SLAMF1: variants seen among roughly 807,000 people sequenced by gnomAD.
SLAMF1 encodes the protein signaling lymphocytic activation molecule.
Under a neutral mutation model 35.1 loss-of-function variants are expected in SLAMF1, and 18 were observed. The ratio of observed to expected loss-of-function variants is 0.51; its 90% CI spans 0.35 to 0.76. The LOEUF (loss-of-function observed/expected upper bound fraction) is 0.76. Among genes scored for constraint, SLAMF1 ranks in the 30% least tolerant of loss-of-function variants. SLAMF1 has a pLI of 0.01. For synonymous variants in SLAMF1, 168 were observed against 157.2 expected, an observed-to-expected ratio of 1.07 and a Z score of -0.51; for missense variants, 392 against 413.0, an observed-to-expected ratio of 0.95 and a Z score of 0.44.
At chr1:160,646,067 A>G (rs1232613810) in intron 1 of SLAMF1, among the ~76,000 whole-genome samples, 1 of 152,054 alleles carries the variant, frequency 6.6e-6, no homozygotes, top group Admixed American at 6.6e-5. Context: ...TTTCTTTCTC[A>G]AATACCTTTT....
intron 5 of SLAMF1, among the ~76,000 whole-genome samples, chr1:160,613,269 T>C (rs1044521048): frequency 2.4e-4 from 37 of 152,332 alleles, no homozygotes; most frequent in African/African-American, 8.4e-4. Context: ...AAGTCTAATT[T>C]ACACTTTATG....
At position 160,614,867 on chromosome 1, in the gene SLAMF1, T is replaced by C. The variant is rs375446704; in HGVS notation, c.865-2287A>G. On this transcript the variant is annotated intron_variant, in intron 5 of 6. Coordinates refer to ENST00000302035, the MANE Select transcript of SLAMF1 (RefSeq NM_003037.5). ...AAGTTAGTATATTTTTGTATCTTAT[T>C]ATCTTCTGTTAGGACCACTGATTTG... is the stretch of plus-strand genomic sequence containing the variant. Among the ~76,000 whole-genome samples, 24 of 152,306 alleles carry C rather than the reference T, an allele frequency of 1.6e-4. No homozygotes were observed. In the South Asian group the frequency reaches 5.0e-3, roughly 32 times the overall value.
Position 160,646,850 on chromosome 1 carries a change from T to C in SLAMF1, c.76+20A>G, listed in dbSNP as rs1661063227. The C allele has an allele frequency of 6.9e-7, 1 of 1,444,728 alleles. No individual in the cohort carries two copies. Among genetic ancestry groups the C allele is most frequent in the Non-Finnish European group, 9.7e-7 (1 of 1,026,782 alleles). The allele number at this position is 1,444,728 out of a possible 1,614,324, so 89.5% of individuals were successfully genotyped here. ...GGCAGCTAACATGGGACTCAAACCA[T>C]CAGGCAGATGAACACTCACCTGTTC... On this transcript the variant is annotated intron_variant, in intron 1 of 6. Transcript: ENST00000302035.
At chr1:160,615,939 G>C (rs1466694008) in intron 5 of SLAMF1, among the ~76,000 whole-genome samples, 1 of 152,178 alleles carries the variant, frequency 6.6e-6, no homozygotes, top group East Asian at 1.9e-4. Context: ...ATGGAGTGTG[G>C]CCCTGAGGAT....
chr1:160,632,307 G>T (rs1039063645), intron 3 of SLAMF1, among the ~76,000 whole-genome samples: 1 of 152,136 alleles, frequency 6.6e-6, no homozygotes, highest in African/African-American at 2.4e-5. Context: ...GGATGAAACA[G>T]AGACCCAAGA....
chr1:160,629,937 A>G (rs922741929), intron 3 of SLAMF1, among the ~76,000 whole-genome samples: 2 of 152,080 alleles, frequency 1.3e-5, no homozygotes, highest in African/African-American at 4.8e-5. Flanking sequence ...AACAATGGGA[A>G]CTCCCTATTT....
intron 1 of SLAMF1, among the ~76,000 whole-genome samples, chr1:160,643,830 G>C (rs187779423): frequency 1.3e-5 from 2 of 152,038 alleles, no homozygotes; most frequent in South Asian, 4.1e-4. Context: ...TATAGTCACC[G>C]TACTGATCTA....
intron 4 of SLAMF1, among the ~76,000 whole-genome samples, chr1:160,622,016 G>A (rs1175816097): frequency 6.6e-6 from 1 of 152,106 alleles, no homozygotes; most frequent in Non-Finnish European, 1.5e-5. Context: ...GCTACAAATA[G>A]AGTAGAGAAC....
chr1:160,621,044 A>G (rs965977132), intron 4 of SLAMF1, among the ~76,000 whole-genome samples: 1 of 152,226 alleles, frequency 6.6e-6, no homozygotes, highest in Admixed American at 6.5e-5. Context: ...TGTATTGAGG[A>G]CATTTTTCAT....
chr1:160,628,599 C>G (rs755139916), intron 3 of SLAMF1, among the ~76,000 whole-genome samples: 2 of 152,160 alleles, frequency 1.3e-5, no homozygotes, highest in Non-Finnish European at 2.9e-5. Context: ...GTACCTTATT[C>G]TTTATTTGTA....
Position 160,634,634 on chromosome 1 carries a change from C to G in SLAMF1, c.679G>C (p.Gly227Arg), listed in dbSNP as rs772674335. ...TCACCTGAGGGGTCTGTCCTGCATC[C>G]GGGCCACGGGCTGAAGGTCTGGGAA... is the stretch of plus-strand genomic sequence containing the variant. ...NNSQTFSPWPGCRTDPSETKP... is the reference protein window; with the variant it reads ...NNSQTFSPWPRCRTDPSETKP... The change falls in exon 3 of 7, where the codon GGA becomes CGA. Residue 227 changes from glycine to arginine, a missense_variant. Transcript: ENST00000302035. 6.2e-7 allele frequency: 1 copy of G among 1,610,262 alleles called. No homozygotes were observed. Among genetic ancestry groups the G allele is most frequent in the Non-Finnish European group, 8.5e-7 (1 of 1,177,664 alleles).
At chr1:160,625,185 G>A (rs140867645) in intron 3 of SLAMF1, among the ~76,000 whole-genome samples, 1 of 152,170 alleles carries the variant, frequency 6.6e-6, no homozygotes, top group African/African-American at 2.4e-5. Context: ...TTATACCGGG[G>A]TAATGAACAG....
intron 5 of SLAMF1, among the ~76,000 whole-genome samples, chr1:160,613,084 T>C (rs1659088383): frequency 6.6e-6 from 1 of 152,228 alleles, no homozygotes; most frequent in Non-Finnish European, 1.5e-5. Context: ...ATGATGAAGC[T>C]ACAGCTCAGA....
In SLAMF1 at chr1:160,612,473, A is replaced by G. The variant is rs777920639; in HGVS notation, c.957+15T>C. The stretch of plus-strand genomic sequence containing the variant: ...TATTCCCTCTCTACGGAGAGTAGGC[A>G]GAGAGATGCCTCACCTGGACAGACT... On this transcript the variant is annotated intron_variant, in intron 6 of 6. Coordinates refer to ENST00000302035, the MANE Select transcript of SLAMF1 (RefSeq NM_003037.5). The G allele has an allele frequency of 9.6e-6, 15 of 1,558,302 alleles. No homozygotes were observed. The highest frequency in any genetic ancestry group is 5.0e-5 in the Admixed American group (3 of 59,468).
At chr1:160,619,650 G>A (rs1659498448) in intron 5 of SLAMF1, 126 bp downstream of exon 5, 2 of 715,550 alleles carry the variant, frequency 2.8e-6, no homozygotes, top group Admixed American at 4.4e-5. Flanking sequence ...TCTTGTTCTT[G>A]ACTCCTGTTC....
rs1482058422 is a variant in SLAMF1 at position 160,646,986 on chromosome 1, G to A, written c.-41C>T. The A allele has an allele frequency of 1.1e-5, 12 of 1,092,722 alleles. No homozygotes were observed. Among genetic ancestry groups the A allele is most frequent in the Non-Finnish European group, 1.5e-5 (11 of 712,564 alleles). The allele number at this position is 1,092,722 out of a possible 1,614,324, so 67.7% of individuals were successfully genotyped here. A position where few individuals can be genotyped will look rare whatever the true frequency, so the allele number is the denominator to read the frequency against. On this transcript the variant is annotated 5_prime_UTR_variant, in exon 1 of 7. Transcript: ENST00000302035. The stretch of plus-strand genomic sequence containing the variant: ...AGGAAGGGATCCTGGCCGGAGCCTG[G>A]CAGCTGCTCACAGATGCCAGGCAGA...
rs79913518 is a variant in SLAMF1 at position 160,642,032 on chromosome 1, T to A, written c.77-4503A>T. On this transcript the variant is annotated intron_variant, in intron 1 of 6. Coordinates refer to ENST00000302035, the MANE Select transcript of SLAMF1 (RefSeq NM_003037.5). The surrounding 1 kb of genome is among the most constrained non-coding windows in gnomAD (Gnocchi z 4.2). ...AATGATAACTCTTTTTGTTTTATTG[T>A]ATTATATTTTTTTGCCTAGCCCTGA... Among the ~76,000 whole-genome samples the A allele has an allele frequency of 6.6e-6, 1 of 152,218 alleles. No individual in the cohort carries two copies.
chr1:160,628,215 A>G (rs1404497380), intron 3 of SLAMF1, among the ~76,000 whole-genome samples: 1 of 152,214 alleles, frequency 6.6e-6, no homozygotes, highest in Non-Finnish European at 1.5e-5. Flanking sequence ...TTAAAAACTT[A>G]CACCAATAAT....
intron 5 of SLAMF1, among the ~76,000 whole-genome samples, chr1:160,616,248 T>C (rs1659294738): frequency 6.6e-6 from 1 of 152,146 alleles, no homozygotes; most frequent in Non-Finnish European, 1.5e-5. Flanking sequence ...ATCTGAGGCT[T>C]GTGATTAAAG....
Sources: gnomAD v4.1 joint callset for allele counts (sites outside exome capture counted in the v4.1 genomes callset) on GRCh38, gnomAD v4.1.1 for gene constraint, Gnocchi (gnomAD v3.1) non-coding constraint, MANE v1.5 for transcripts, NCBI Gene and HGNC (gene_info 2026-07-23, HGNC 2026-07-21) for gene names.